Variants in LMAN2 observed in about 807,000 individuals in gnomAD.
LMAN2 encodes the protein vesicular integral-membrane protein VIP36.
LMAN2 carries 22 observed loss-of-function variants against 39.3 expected under a neutral mutation model. That is an observed-to-expected ratio of 0.56 (90% confidence interval 0.40 to 0.80). The LOEUF (loss-of-function observed/expected upper bound fraction) is 0.80, where lower values mean the gene tolerates loss of function less well. Ranked by LOEUF, LMAN2 falls within the 30% of genes least tolerant of loss-of-function variation. The pLI is 0.00. For missense variants in LMAN2, 494 were observed against 505.4 expected (o/e 0.98, Z 0.22); for synonymous variants, 207 against 207.8 (o/e 1.00, Z 0.03).
rs755898580 is a variant in LMAN2, at chr5:177,338,499, C to A, written c.422G>T (p.Arg141Leu). 5 of 1,613,698 alleles carry A rather than the reference C, an allele frequency of 3.1e-6. No individual in the cohort carries two copies. Among genetic ancestry groups the A allele is most frequent in the South Asian group, 1.1e-5 (1 of 91,082 alleles). ...DGIALWYTRDRLVPGPVFGSK... is the reference protein window; with the variant it reads ...DGIALWYTRDLLVPGPVFGSK... ...GAACACCAGCCCACCTGGCACGAGG[C>A]GGTCCCGGGTGTACCACAAGGCGAT... Residue 141 changes from arginine to leucine, a missense_variant, in exon 3 of 8, where the codon CGC (arginine) becomes CTC (leucine). Physicochemically the swap from Arg to Leu is moderately radical, Grantham distance 102 (BLOSUM62 -2). Coordinates refer to ENST00000303127, the MANE Select transcript of LMAN2 (RefSeq NM_006816.3).
intron 2 of LMAN2, among the ~76,000 whole-genome samples, chr5:177,344,216 C>T (rs1004637300): frequency 2.0e-5 from 3 of 149,880 alleles, no homozygotes; most frequent in South Asian, 4.2e-4. Flanking sequence ...AGACCCCCCC[C>T]ATCTCTAAAA....
chr5:177,347,953 T>C (rs1271760634), intron 2 of LMAN2, among the ~76,000 whole-genome samples: 2 of 152,144 alleles, frequency 1.3e-5, no homozygotes, highest in African/African-American at 2.4e-5. Context: ...ATCCCATCTA[T>C]AATAGAAATT....
At position 177,334,694 on chromosome 5, in the gene LMAN2, T is replaced by C. The variant is rs1240447844; in HGVS notation, c.791-291A>G. 35 of 331,956 alleles carry C rather than the reference T, an allele frequency of 1.1e-4. No homozygotes were observed. In the Admixed American group the frequency reaches 1.6e-3, roughly 15 times the overall value. 20.6% of individuals were successfully genotyped at this position (331,956 alleles called of 1,614,324 possible). A position where few individuals can be genotyped will look rare whatever the true frequency, so the allele number is the denominator to read the frequency against. On this transcript the variant is annotated intron_variant, in intron 6 of 7. Transcript: ENST00000303127. Reference sequence around the variant, plus strand: ...CTCTTTGAGGCTCATGTTCCGCACATGTAGAGGAGTGATGATCTCCATCTG... The same window carrying C: ...CTCTTTGAGGCTCATGTTCCGCACACGTAGAGGAGTGATGATCTCCATCTG...
rs1761651471 is a variant in LMAN2 at position 177,347,383 on chromosome 5, CCAGGACTACG to C, written c.315+3780_315+3789del. On this transcript the variant is annotated intron_variant, in intron 2 of 7. Coordinates refer to ENST00000303127, the MANE Select transcript of LMAN2 (RefSeq NM_006816.3). The stretch of plus-strand genomic sequence containing the variant: ...GTGGAGGACCTGGAAACAGACTCCT[CCAGGACTACG>C]CAGGCCTTGGAAAGTCTTCATGACC... Among the ~76,000 whole-genome samples, 6 of 152,264 alleles carry C rather than the reference CCAGGACTACG, an allele frequency of 3.9e-5. No individual in the cohort carries two copies. In the South Asian group the frequency reaches 1.2e-3, roughly 32 times the overall value.
Position 177,337,710 on chromosome 5 carries a change from G to T in LMAN2, c.509C>A (p.Thr170Asn). ...FLDTYPNDET[T>N]ERVFPYISVM... ...CAGGATAGAGCAGGGGCCTACCTCA[G>T]TGGTCTCATCATTGGGGTAGGTGTC... Residue 170 changes from threonine (T) to asparagine (N), a missense_variant, in exon 4 of 8, where the codon ACT becomes AAT. Transcript: ENST00000303127. This position sits in a 1 kb window ranked among gnomAD's most constrained non-coding sequence, Gnocchi z 8.2. 1 of 1,613,880 alleles carries T rather than the reference G, an allele frequency of 6.2e-7. No individual in the cohort carries two copies. Among genetic ancestry groups the T allele is most frequent in the Non-Finnish European group, 8.5e-7 (1 of 1,179,840 alleles).
intron 2 of LMAN2, among the ~76,000 whole-genome samples, chr5:177,343,206 G>T (rs958931282): frequency 6.6e-6 from 1 of 152,178 alleles, no homozygotes; most frequent in Non-Finnish European, 1.5e-5. Context: ...AGCGAGCCGA[G>T]ATCGCGCCAC....
chr5:177,333,785 A>C (rs1382286835), intron 7 of LMAN2, among the ~76,000 whole-genome samples: 1 of 152,216 alleles, frequency 6.6e-6, no homozygotes, highest in African/African-American at 2.4e-5. Context: ...GGTTTTGTAG[A>C]AACCCAATTT....
intron 2 of LMAN2, among the ~76,000 whole-genome samples, chr5:177,347,592 G>A (rs766606424): frequency 1.3e-5 from 2 of 152,164 alleles, no homozygotes; most frequent in African/African-American, 4.8e-5. Flanking sequence ...GGGGAGCTCA[G>A]AAAGCTTAAT....
intron 2 of LMAN2, among the ~76,000 whole-genome samples, chr5:177,344,803 G>A (rs1456831122): frequency 6.6e-6 from 1 of 151,694 alleles, no homozygotes; most frequent in Non-Finnish European, 1.5e-5. Context: ...CTACTAGGGA[G>A]GCTGAGGCAG....
Position 177,337,154 on chromosome 5 carries a change from C to T in LMAN2, c.772G>A (p.Gly258Ser). The T allele has an allele frequency of 5.6e-6, 9 of 1,613,398 alleles. No individual in the cohort carries two copies. The highest frequency in any genetic ancestry group is 7.6e-6 in the Non-Finnish European group (9 of 1,179,850). ...PTGYYFGASAGTGDLSDNHDI... is the reference protein window; with the variant it reads ...PTGYYFGASASTGDLSDNHDI... ...CACTCACCAGACAGGTCGCCGGTGC[C>T]GGCGGAGGCCCCGAAGTAGTAGCCG... The change falls in exon 6 of 8, where the codon GGC becomes AGC. Residue 258 changes from glycine (G) to serine (S), a missense_variant. By Grantham distance (56) the Gly-to-Ser change is moderately conservative. Transcript: ENST00000303127. The surrounding 1 kb of genome is among the most constrained non-coding windows in gnomAD (Gnocchi z 8.2).
intron 7 of LMAN2, 22 bp downstream of exon 7, chr5:177,334,262 G>T: frequency 6.2e-7 from 1 of 1,606,964 alleles, no homozygotes; most frequent in Non-Finnish European, 8.5e-7. Flanking sequence ...GGCCCAGGCA[G>T]GGCGGGGCTG....
intron 2 of LMAN2, among the ~76,000 whole-genome samples, chr5:177,341,054 C>CA (rs1277359927): frequency 7.9e-6 from 1 of 127,224 alleles, no homozygotes; most frequent in African/African-American, 3.5e-5. Context: ...CACGCCCAGC[C>CA]TTTTTTTTTC....
At position 177,331,875 on chromosome 5, in the gene LMAN2, C is replaced by T; in HGVS notation, c.*211G>A. On this transcript the variant is annotated 3_prime_UTR_variant, in exon 8 of 8. Coordinates refer to ENST00000303127, the MANE Select transcript of LMAN2 (RefSeq NM_006816.3). ...TGAGACACCAGCCCCAGGAGAGCCT[C>T]CGTCTCCAGCTGTGGGGGGTGCCAG... 1.9e-6 allele frequency: 1 copy of T among 535,096 alleles called. No homozygotes were observed. Among genetic ancestry groups the T allele is most frequent in the East Asian group, 3.2e-5 (1 of 31,554 alleles). The allele number at this position is 535,096 out of a possible 1,614,324, so 33.1% of individuals were successfully genotyped here. A position where few individuals can be genotyped will look rare whatever the true frequency, so the allele number is the denominator to read the frequency against.
intron 7 of LMAN2, among the ~76,000 whole-genome samples, chr5:177,333,844 C>T (rs1375738986): frequency 7.5e-6 from 1 of 133,236 alleles, no homozygotes; most frequent in Non-Finnish European, 1.6e-5. Flanking sequence ...ACCCCCTTGA[C>T]CAGCAGCACG....
chr5:177,337,250 C>A lies in LMAN2; in HGVS notation c.676G>T (p.Val226Leu). 8 of 1,613,980 alleles carry A rather than the reference C, an allele frequency of 5.0e-6. No homozygotes were observed. The highest frequency in any genetic ancestry group is 6.8e-6 in the Non-Finnish European group (8 of 1,179,944). ...TTCTTGTCCTCCAGGTCGGTCATCA[C>A]CTGCAGGGCCCAGCACGCTAAGCAC... ...AVRYSRGRLT[V>L]MTDLEDKNEW... The change falls in exon 6 of 8, where the codon GTG (valine) becomes TTG (leucine). Residue 226 changes from valine (V) to leucine (L), a missense_variant and splice_region_variant. By Grantham distance (32) the Val-to-Leu change is conservative. Coordinates refer to ENST00000303127, the MANE Select transcript of LMAN2 (RefSeq NM_006816.3). This position sits in a 1 kb window ranked among gnomAD's most constrained non-coding sequence, Gnocchi z 8.2.
At position 177,342,168 on chromosome 5, in the gene LMAN2, C is replaced by T. The variant is rs190722130; in HGVS notation, c.316-3563G>A. 5.9e-5 allele frequency among the ~76,000 whole-genome samples: 9 copies of T among 152,136 alleles called. No individual in the cohort carries two copies. In the East Asian group the frequency reaches 1.4e-3, roughly 23 times the overall value. ...AGGATCTCTGTATTATTTCCTGCAA[C>T]GGCATGTGAATTTATAATTATGTCA... is the stretch of plus-strand genomic sequence containing the variant. On this transcript the variant is annotated intron_variant, in intron 2 of 7. Coordinates refer to ENST00000303127, the MANE Select transcript of LMAN2 (RefSeq NM_006816.3).
rs752879544 is a variant in LMAN2 at position 177,337,100 on chromosome 5, T to C, written c.790+36A>G. 2.1e-5 allele frequency: 31 copies of C among 1,511,354 alleles called. No homozygotes were observed. In the Admixed American group the frequency reaches 4.9e-4, roughly 24 times the overall value. 93.6% of individuals were successfully genotyped at this position (1,511,354 alleles called of 1,614,324 possible). A position where few individuals can be genotyped will look rare whatever the true frequency, so the allele number is the denominator to read the frequency against. On this transcript the variant is annotated intron_variant, in intron 6 of 7. Coordinates refer to ENST00000303127, the MANE Select transcript of LMAN2 (RefSeq NM_006816.3). This position sits in a 1 kb window ranked among gnomAD's most constrained non-coding sequence, Gnocchi z 8.2. ...AAGCTCCCAGTCCCTCAGGGTGAGC[T>C]GGGCTGGGAACCAACGCCTGGCCCG...
rs569107739 is a variant in LMAN2 at position 177,335,026 on chromosome 5, C to T, written c.791-623G>A. On this transcript the variant is annotated intron_variant, in intron 6 of 7. Coordinates refer to ENST00000303127, the MANE Select transcript of LMAN2 (RefSeq NM_006816.3). Reference sequence around the variant, plus strand: ...TGCACAGGGAAGAGCCCTGGCTTGACGCTGATGGATCACCCAATTGTAGAG... The same window carrying T: ...TGCACAGGGAAGAGCCCTGGCTTGATGCTGATGGATCACCCAATTGTAGAG... Among the ~76,000 whole-genome samples the T allele has an allele frequency of 2.8e-4, 43 of 152,332 alleles. 1 individual carries two copies. The South Asian group carries it at 7.9e-3, about 28-fold the overall frequency.
Position 177,351,206 on chromosome 5 carries a change from C to T in LMAN2, c.282G>A (p.Glu94=). 1 of 1,614,196 alleles carries T rather than the reference C, an allele frequency of 6.2e-7. No homozygotes were observed. The highest frequency in any genetic ancestry group is 8.5e-7 in the Non-Finnish European group (1 of 1,180,020). ...TSQYVRLTPD[E]RSKEGSIWNH... ...TCCAGATAGAGCCCTCTTTGCTGCG[C>T]TCGTCAGGGGTCAGACGTACGTACT... Residue 94 remains glutamate, a synonymous_variant, in exon 2 of 8, where the codon GAG becomes GAA. Coordinates refer to ENST00000303127, the MANE Select transcript of LMAN2 (RefSeq NM_006816.3).
Sources: gnomAD v4.1 joint callset for allele counts (sites outside exome capture counted in the v4.1 genomes callset) on GRCh38, gnomAD v4.1.1 for gene constraint, Gnocchi (gnomAD v3.1) non-coding constraint, MANE v1.5 for transcripts, NCBI Gene and HGNC (gene_info 2026-07-23, HGNC 2026-07-21) for gene names.